CUBN: variants seen among roughly 807,000 people sequenced by gnomAD.
CUBN encodes the protein cubilin, also known as 460 kDa receptor.
CUBN carries 282 observed loss-of-function variants against 405.3 expected under a neutral mutation model. The observed-to-expected ratio is 0.70, with a 90% CI of 0.63 to 0.77. The LOEUF (loss-of-function observed/expected upper bound fraction) is 0.77. CUBN is among the 30% of genes least tolerant of loss of function. The pLI is 0.00. For synonymous variants in CUBN, 1,684 were observed against 1,617.0 expected (o/e 1.04, Z -0.99); for missense variants, 4,514 against 4,475.2 (o/e 1.01, Z -0.25).
chr10:16,851,185 A>G (rs925543110), intron 60 of CUBN, 50 bp downstream of exon 60: 1 of 1,427,682 alleles, frequency 7.0e-7, no homozygotes, highest in African/African-American at 1.4e-5. Flanking sequence ...AATACACTAT[A>G]TTAGAGTCTG....
chr10:16,923,870 A>T (rs2131475925), intron 43 of CUBN, among the ~76,000 whole-genome samples: 1 of 152,264 alleles, frequency 6.6e-6, no homozygotes, highest in African/African-American at 2.4e-5. Flanking sequence ...TCAGGAATTC[A>T]AGACCAGCCT....
intron 36 of CUBN, among the ~76,000 whole-genome samples, chr10:16,942,380 C>A (rs139820664): frequency 6.6e-6 from 1 of 151,958 alleles, no homozygotes; most frequent in Admixed American, 6.6e-5. Context: ...TCCTGCAACT[C>A]GAAAATTAAA....
chr10:17,017,609 C>T (rs1209893954), intron 28 of CUBN, among the ~76,000 whole-genome samples: 3 of 152,282 alleles, frequency 2.0e-5, no homozygotes, highest in Non-Finnish European at 4.4e-5. Context: ...CATATCCTAG[C>T]TTCAGGAATA....
At position 17,105,456 on chromosome 10, in the gene CUBN, C is replaced by T. The variant is rs386833766; in HGVS notation, c.1230+1G>A. ...GTCCACAGGAAAAACAAAGGACTCA[C>T]GATGCATTGTCCATTTAGACAGGGG... On this transcript the variant is annotated splice_donor_variant, in intron 11 of 66. Coordinates refer to ENST00000377833, the MANE Select transcript of CUBN (RefSeq NM_001081.4). LOFTEE classifies it high-confidence loss of function. The T allele has an allele frequency of 4.6e-6, 7 of 1,523,848 alleles. No homozygotes were observed. The highest frequency in any genetic ancestry group is 1.4e-5 in the African/African-American group (1 of 73,666). 94.4% of individuals were successfully genotyped at this position (1,523,848 alleles called of 1,614,324 possible). A position where few individuals can be genotyped will look rare whatever the true frequency, so the allele number is the denominator to read the frequency against.
chr10:16,984,838 T>G (rs1833372477), intron 29 of CUBN, among the ~76,000 whole-genome samples: 1 of 152,236 alleles, frequency 6.6e-6, no homozygotes, highest in Admixed American at 6.5e-5. Flanking sequence ...GACCACACAT[T>G]GAATATAACA....
At chr10:16,852,364 CCTCT>C (rs1177261458) in intron 59 of CUBN, among the ~76,000 whole-genome samples, 16 of 141,030 alleles carry the variant, frequency 1.1e-4, no homozygotes, top group African/African-American at 1.6e-4. Context: ...TCCCTCCCTC[CCTCT>C]ATCTTTGCCT....
At chr10:16,987,525 A>G (rs941987726) in intron 29 of CUBN, among the ~76,000 whole-genome samples, 5 of 152,188 alleles carry the variant, frequency 3.3e-5, no homozygotes, top group Admixed American at 1.3e-4. Context: ...GCTTTTTGCA[A>G]TGGGCCACTT....
At chr10:17,035,089 A>T (rs949633566) in intron 27 of CUBN, among the ~76,000 whole-genome samples, 1 of 119,426 alleles carries the variant, frequency 8.4e-6, no homozygotes, top group East Asian at 2.6e-4. Context: ...TAAAAAAAAA[A>T]AATAAACAAA....
chr10:16,991,379 G>C (rs1387502262), intron 28 of CUBN, among the ~76,000 whole-genome samples: 1 of 141,862 alleles, frequency 7.0e-6, no homozygotes, highest in Non-Finnish European at 1.6e-5. Context: ...ATTGATGCTA[G>C]GATACTAACT....
chr10:16,950,006 A>AG lies in CUBN; in HGVS notation c.5074dup (p.Leu1692ProfsTer28), dbSNP rs1842886405. 6.2e-7 allele frequency: 1 copy of AG among 1,612,462 alleles called. No homozygotes were observed. Among genetic ancestry groups the AG allele is most frequent in the Non-Finnish European group, 8.5e-7 (1 of 1,178,798 alleles). ...ATGAGTGAACGCTGAGGTACCTCGG[A>AG]GGGGCGCGTCTTCGTGGCCGCCATC... is the stretch of plus-strand genomic sequence containing the variant. On this transcript the variant is annotated frameshift_variant, in exon 34 of 67. Coordinates refer to ENST00000377833, the MANE Select transcript of CUBN (RefSeq NM_001081.4). LOFTEE classifies it high-confidence loss of function.
chr10:16,897,863 G>T (rs760106147), intron 54 of CUBN, among the ~76,000 whole-genome samples: 1 of 152,064 alleles, frequency 6.6e-6, no homozygotes, highest in African/African-American at 2.4e-5. Context: ...GGGCTTGCCC[G>T]ATGTTATCAG....
intron 59 of CUBN, among the ~76,000 whole-genome samples, chr10:16,868,396 G>A (rs1840247887): frequency 6.6e-6 from 1 of 152,192 alleles, no homozygotes; most frequent in Admixed American, 6.5e-5. Flanking sequence ...GAAACAGAAA[G>A]TTTGAAAAGT....
chr10:16,876,103 A>T (rs1840492447), intron 57 of CUBN, among the ~76,000 whole-genome samples: 1 of 152,204 alleles, frequency 6.6e-6, no homozygotes, highest in South Asian at 2.1e-4. Context: ...TGGGAACAAT[A>T]ATTTATTCCA....
chr10:16,932,900 C>T (rs972927069), intron 40 of CUBN, among the ~76,000 whole-genome samples, 187 bp downstream of exon 40: 16 of 152,056 alleles, frequency 1.1e-4, no homozygotes, highest in African/African-American at 2.9e-4. Context: ...ATTCTGTGAC[C>T]GGTAATTTAA....
intron 56 of CUBN, among the ~76,000 whole-genome samples, chr10:16,882,138 T>A (rs1451191784): frequency 1.3e-5 from 2 of 152,128 alleles, no homozygotes; most frequent in African/African-American, 4.8e-5. Flanking sequence ...GATATCACAG[T>A]TGAGTTTATG....
At chr10:16,848,027 T>C (rs115148465) in intron 60 of CUBN, among the ~76,000 whole-genome samples, 1 of 152,186 alleles carries the variant, frequency 6.6e-6, no homozygotes, top group Non-Finnish European at 1.5e-5. Context: ...ACGTTGCCAA[T>C]GGAAGGAAAT....
chr10:16,826,968 G>C (rs1378191265), intron 66 of CUBN, among the ~76,000 whole-genome samples: 1 of 152,058 alleles, frequency 6.6e-6, no homozygotes, highest in African/African-American at 2.4e-5. Flanking sequence ...TCAATTCAAT[G>C]TCTAAGAGCT....
At chr10:16,853,640 C>T (rs1403873165) in intron 59 of CUBN, among the ~76,000 whole-genome samples, 1 of 152,228 alleles carries the variant, frequency 6.6e-6, no homozygotes, top group Non-Finnish European at 1.5e-5. Flanking sequence ...TCCAAAGGCC[C>T]AGTCCCTGAT....
chr10:16,874,109 T>C (rs1840434470), intron 58 of CUBN, among the ~76,000 whole-genome samples: 1 of 152,236 alleles, frequency 6.6e-6, no homozygotes, highest in South Asian at 2.1e-4. Flanking sequence ...ATCCATGTTA[T>C]GATGCTCCTT....
Sources: allele counts gnomAD v4.1 joint callset (sites outside exome capture counted in the v4.1 genomes callset), GRCh38; gene constraint gnomAD v4.1.1; transcripts MANE v1.5; gene names NCBI Gene and HGNC (gene_info 2026-07-23, HGNC 2026-07-21).